The following ASTN2 variants were observed in gnomAD, a reference collection of about 807,000 sequenced individuals.
ASTN2 encodes astrotactin 2.
A neutral mutation model predicts 139.8 loss-of-function variants in ASTN2; 54 were observed. The ratio of observed to expected loss-of-function variants is 0.39; its 90% CI spans 0.31 to 0.48. The LOEUF is 0.48. ASTN2 is among the 20% of genes least tolerant of loss of function. The pLI is 0.95. For missense variants in ASTN2, 1,565 were observed against 1,725.1 expected (o/e 0.91, Z 1.64); for synonymous variants, 756 against 719.5 (o/e 1.05, Z -0.81).
intron 10 of ASTN2, among the ~76,000 whole-genome samples, chr9:116,974,980 T>C (rs1836304793): frequency 6.6e-6 from 1 of 152,220 alleles, no homozygotes; most frequent in Non-Finnish European, 1.5e-5. Context: ...TCAGCCTCTT[T>C]TATATTTAAT....
chr9:117,183,902 A>G (rs780918002), intron 3 of ASTN2, among the ~76,000 whole-genome samples: 4 of 152,082 alleles, frequency 2.6e-5, no homozygotes, highest in Non-Finnish European at 4.4e-5. Context: ...TTATGGGTGG[A>G]GCAAACCTCA....
At chr9:116,763,467 A>G (rs924909537) in intron 13 of ASTN2, among the ~76,000 whole-genome samples, 4 of 152,130 alleles carry the variant, frequency 2.6e-5, no homozygotes, top group Non-Finnish European at 4.4e-5. Context: ...ATCTTCAAAT[A>G]CCCAAAACTT....
intron 4 of ASTN2, among the ~76,000 whole-genome samples, chr9:117,127,752 C>T (rs2132829195): frequency 7.8e-6 from 1 of 127,812 alleles, no homozygotes; most frequent in African/African-American, 2.9e-5. Flanking sequence ...ACGATCTTGG[C>T]TCACTGCAAG....
chr9:116,946,434 CCTT>C (rs1835397088), intron 10 of ASTN2, among the ~76,000 whole-genome samples: 1 of 152,060 alleles, frequency 6.6e-6, no homozygotes, highest in Non-Finnish European at 1.5e-5. Context: ...ACTCCCCTCT[CCTT>C]CTTTCACTGT....
chr9:117,375,746 G>T (rs1347144360), intron 1 of ASTN2, among the ~76,000 whole-genome samples: 2 of 152,134 alleles, frequency 1.3e-5, no homozygotes, highest in African/African-American at 4.8e-5. Context: ...AAACTTAGTG[G>T]CATAAAACAG....
intron 10 of ASTN2, among the ~76,000 whole-genome samples, chr9:116,901,511 C>T (rs528018399): frequency 2.0e-5 from 3 of 152,188 alleles, no homozygotes; most frequent in Admixed American, 6.5e-5. Flanking sequence ...AATGACATTG[C>T]GACAGTCTGC....
intron 3 of ASTN2, among the ~76,000 whole-genome samples, chr9:117,147,313 T>C (rs1830219720): frequency 6.6e-6 from 1 of 152,092 alleles, no homozygotes; most frequent in East Asian, 1.9e-4. Flanking sequence ...GATGCAGGCC[T>C]GTAATCCCAG....
At chr9:116,846,827 T>C (rs1324266430) in intron 11 of ASTN2, among the ~76,000 whole-genome samples, 2 of 152,082 alleles carry the variant, frequency 1.3e-5, no homozygotes, top group African/African-American at 2.4e-5. Context: ...AGGCAGCACC[T>C]GCTCTAGTGC....
chr9:117,045,332 C>G (rs1402335213), intron 5 of ASTN2, among the ~76,000 whole-genome samples: 1 of 120,758 alleles, frequency 8.3e-6, no homozygotes, highest in Non-Finnish European at 1.7e-5. Context: ...TTTTTTTTTT[C>G]CAGAAGGCTG....
intron 11 of ASTN2, among the ~76,000 whole-genome samples, chr9:116,850,129 A>G (rs1267941674): frequency 6.6e-6 from 1 of 152,102 alleles, no homozygotes; most frequent in Admixed American, 6.5e-5. Context: ...AAGTGATGGG[A>G]ATCCAGGATC....
At chr9:116,841,126 G>C (rs553353628) in intron 11 of ASTN2, among the ~76,000 whole-genome samples, 1 of 152,342 alleles carries the variant, frequency 6.6e-6, no homozygotes, top group Non-Finnish European at 1.5e-5. Flanking sequence ...TGCAATCCCG[G>C]CACCTCGGGA....
intron 2 of ASTN2, among the ~76,000 whole-genome samples, chr9:117,287,792 C>G (rs762353510): frequency 4.6e-5 from 7 of 152,166 alleles, no homozygotes; most frequent in Non-Finnish European, 7.3e-5. Flanking sequence ...GCTTCAATGA[C>G]AATATTAATA....
chr9:116,917,596 C>A (rs1223226134), intron 10 of ASTN2, among the ~76,000 whole-genome samples: 1 of 152,198 alleles, frequency 6.6e-6, no homozygotes, highest in Non-Finnish European at 1.5e-5. Context: ...AGGCCTCATC[C>A]CAAACCCTCT....
chr9:116,608,018 A>G (rs932263810), intron 19 of ASTN2, among the ~76,000 whole-genome samples: 2 of 152,206 alleles, frequency 1.3e-5, no homozygotes, highest in Non-Finnish European at 2.9e-5. Flanking sequence ...ATTAGGCAAC[A>G]AAGTACAGAG....
At chr9:116,820,928 C>G (rs898838875) in intron 11 of ASTN2, 145 bp from the exon 12 acceptor site, 1 of 833,304 alleles carries the variant, frequency 1.2e-6, no homozygotes, top group African/African-American at 1.7e-5. Flanking sequence ...AACTTTGTGA[C>G]AAGTTCCACA....
At chr9:117,025,158 T>C (rs901791890) in intron 6 of ASTN2, among the ~76,000 whole-genome samples, 2 of 152,132 alleles carry the variant, frequency 1.3e-5, no homozygotes, top group Non-Finnish European at 2.9e-5. Flanking sequence ...AAAGAAATGC[T>C]GCAAAGAAAC....
At chr9:116,559,033 A>G (rs1435216420) in intron 19 of ASTN2, among the ~76,000 whole-genome samples, 1 of 152,196 alleles carries the variant, frequency 6.6e-6, no homozygotes, top group East Asian at 1.9e-4. Context: ...TGCAGATTAC[A>G]TTCAAGGGTA....
At chr9:116,850,857 G>C (rs976857968) in intron 11 of ASTN2, among the ~76,000 whole-genome samples, 1 of 152,156 alleles carries the variant, frequency 6.6e-6, no homozygotes, top group Admixed American at 6.5e-5. Context: ...CTACACCAGA[G>C]GGAATCATTA....
chr9:116,948,908 C>T (rs1230486239), intron 10 of ASTN2, among the ~76,000 whole-genome samples: 2 of 147,504 alleles, frequency 1.4e-5, no homozygotes, highest in Admixed American at 6.9e-5. Context: ...TCTCCTGCCT[C>T]AGCCTCCCGA....
Sources: allele counts gnomAD v4.1 joint callset (sites outside exome capture counted in the v4.1 genomes callset), GRCh38; gene constraint gnomAD v4.1.1; transcripts MANE v1.5; gene names NCBI Gene and HGNC (gene_info 2026-07-23, HGNC 2026-07-21).